The following SMIM35 variants were observed in gnomAD, a reference collection of about 807,000 sequenced individuals.
SMIM35 encodes small integral membrane protein 35.
chr11:118,025,425 C>A (rs1398745214), intron 1 of SMIM35: 1 of 440,952 alleles, frequency 2.3e-6, no homozygotes, highest in African/African-American at 2.0e-5. Flanking sequence ...GTAAACGTTC[C>A]CTTTCCTCTG....
intron 1 of SMIM35, among the ~76,000 whole-genome samples, chr11:118,054,168 TGTTTTTTTGTTTGTTCTTG>T (rs1565393405): frequency 7.0e-6 from 1 of 142,742 alleles, no homozygotes; most frequent in Non-Finnish European, 1.5e-5. Context: ...TTTTTTGTTT[TGTTTTTTTGTTTGTTCTTG>T]TTTTTTTGTT....
intron 1 of SMIM35, among the ~76,000 whole-genome samples, chr11:118,084,009 G>A (rs3949025): frequency 0.39 from 60,019 of 151,950 alleles, 12,732 homozygotes; most frequent in South Asian, 0.54. Flanking sequence ...CTGCACTCCA[G>A]CCTGGGCAAC....
At chr11:118,048,549 G>A (rs201923374) in intron 1 of SMIM35, among the ~76,000 whole-genome samples, 5 of 23,210 alleles carry the variant, frequency 2.2e-4, no homozygotes, top group African/African-American at 6.6e-4. Flanking sequence ...AAGGAAGGAA[G>A]GAAGGAAGGA....
intron 1 of SMIM35, among the ~76,000 whole-genome samples, chr11:118,071,132 A>C (rs671351): frequency 0.76 from 116,029 of 152,144 alleles, 44,430 homozygotes; most frequent in Admixed American, 0.81. Flanking sequence ...TTATTTGAAG[A>C]AAATGCGTCC....
At chr11:118,012,546 C>A (rs1003671413) in intron 4 of SMIM35, among the ~76,000 whole-genome samples, 1 of 152,222 alleles carries the variant, frequency 6.6e-6, no homozygotes, top group East Asian at 1.9e-4. Context: ...TCACCCACTC[C>A]CCCGTGCCCA....
At chr11:118,075,220 A>C (rs1298958013) in intron 1 of SMIM35, among the ~76,000 whole-genome samples, 1 of 152,170 alleles carries the variant, frequency 6.6e-6, no homozygotes, top group Non-Finnish European at 1.5e-5. Context: ...GTCACCTGAG[A>C]TCACAGGCTC....
intron 1 of SMIM35, among the ~76,000 whole-genome samples, chr11:118,058,214 C>A (rs117349118): frequency 3.3e-5 from 5 of 152,116 alleles, no homozygotes; most frequent in Non-Finnish European, 5.9e-5. Flanking sequence ...AGAGCAGGGT[C>A]CCTGAAGCGG....
intron 1 of SMIM35, among the ~76,000 whole-genome samples, chr11:118,056,658 A>C (rs2135113472): frequency 6.6e-6 from 1 of 152,300 alleles, no homozygotes; most frequent in East Asian, 1.9e-4. Context: ...AGGAGAATAA[A>C]AGCAAGAAAA....
At chr11:118,034,724 G>A (rs1855642307) in intron 1 of SMIM35, among the ~76,000 whole-genome samples, 1 of 152,150 alleles carries the variant, frequency 6.6e-6, no homozygotes, top group Admixed American at 6.5e-5. Flanking sequence ...AACAGGCTCA[G>A]TGTCCACAAT....
chr11:118,045,600 T>C (rs1203216391), intron 1 of SMIM35, among the ~76,000 whole-genome samples: 1 of 152,230 alleles, frequency 6.6e-6, no homozygotes, highest in East Asian at 1.9e-4. Flanking sequence ...TCTTTTGCAA[T>C]AGAAATATTT....
intron 1 of SMIM35, among the ~76,000 whole-genome samples, chr11:118,034,378 C>A (rs1475887505): frequency 6.6e-6 from 1 of 151,994 alleles, no homozygotes; most frequent in Non-Finnish European, 1.5e-5. Context: ...AAAAAATTGT[C>A]ACTGTCTCAA....
At chr11:118,042,696 G>C (rs939277725) in intron 1 of SMIM35, among the ~76,000 whole-genome samples, 1 of 152,138 alleles carries the variant, frequency 6.6e-6, no homozygotes, top group African/African-American at 2.4e-5. Flanking sequence ...GAATATGGAC[G>C]CAAAAATCCT....
At chr11:118,086,699 T>G (rs189171637) in intron 1 of SMIM35, 52 bp downstream of exon 1, 1 of 153,134 alleles carries the variant, frequency 6.5e-6, no homozygotes, top group East Asian at 1.9e-4. Flanking sequence ...GGAAACTCAC[T>G]CCCTCCTCTC....
At position 118,082,421 on chromosome 11, in the gene SMIM35, C is replaced by T. The variant is rs985041201; in HGVS notation, c.7+4330G>A. On this transcript the variant is annotated intron_variant, in intron 1 of 4. Coordinates refer to ENST00000689828, the MANE Select transcript of SMIM35 (RefSeq NM_001394165.1). ...ACTAAAGATATAAACATTAGCCGAG[C>T]GCAGTAGCTCACGCCTGTAATCCCA... Among the ~76,000 whole-genome samples the T allele has an allele frequency of 2.0e-5, 3 of 152,022 alleles. No individual in the cohort carries two copies. The East Asian group carries it at 5.8e-4, about 29-fold the overall frequency.
At chr11:118,049,824 C>T (rs1944180638) in intron 1 of SMIM35, among the ~76,000 whole-genome samples, 1 of 152,118 alleles carries the variant, frequency 6.6e-6, no homozygotes. Flanking sequence ...CCACGTTCCT[C>T]ACTAACTACT....
chr11:118,015,581 A>G, intron 2 of SMIM35, 112 bp downstream of exon 2: 1 of 395,582 alleles, frequency 2.5e-6, no homozygotes, highest in Non-Finnish European at 4.4e-6. Flanking sequence ...CACAGGAAAT[A>G]TTTTTCATCC....
intron 3 of SMIM35, among the ~76,000 whole-genome samples, 171 bp downstream of exon 3, chr11:118,014,537 A>T (rs567634480): frequency 2.0e-5 from 3 of 152,034 alleles, no homozygotes; most frequent in Non-Finnish European, 4.4e-5. Context: ...TTCAAATTTT[A>T]ATTCATGGGA....
At chr11:118,026,044 T>C (rs1341176308) in intron 1 of SMIM35, among the ~76,000 whole-genome samples, 3 of 152,238 alleles carry the variant, frequency 2.0e-5, no homozygotes, top group Non-Finnish European at 4.4e-5. Context: ...ATTTTTTGAA[T>C]AGGGACTCCT....
chr11:118,073,854 A>G (rs896931507), intron 1 of SMIM35, among the ~76,000 whole-genome samples: 2 of 152,256 alleles, frequency 1.3e-5, no homozygotes, highest in African/African-American at 4.8e-5. Context: ...CAGAAATAAT[A>G]TTCTCCTGCA....
Sources: gnomAD v4.1 joint callset for allele counts (sites outside exome capture counted in the v4.1 genomes callset) on GRCh38, gnomAD v4.1.1 for gene constraint, MANE v1.5 for transcripts, NCBI Gene and HGNC (gene_info 2026-07-23, HGNC 2026-07-21) for gene names.